The following ZNF354B variants were observed in gnomAD, a reference collection of about 807,000 sequenced individuals.
ZNF354B encodes the protein zinc finger protein 354B.
In ZNF354B, 10 loss-of-function variants were observed where a neutral mutation model predicts 12.9. The observed-to-expected ratio is 0.77, with a 90% CI of 0.48 to 1.31. The LOEUF is 1.31. Ranked by LOEUF, ZNF354B falls within the 40% of genes most tolerant of loss-of-function variation. The pLI, the probability that ZNF354B is intolerant of heterozygous loss-of-function variation, is 0.00. For synonymous variants in ZNF354B, 260 were observed against 243.7 expected (o/e 1.07, Z -0.62); for missense variants, 614 against 711.7 (o/e 0.86, Z 1.56).
At chr5:178,876,807 G>T (rs1260375748) in intron 4 of ZNF354B, among the ~76,000 whole-genome samples, 1 of 151,832 alleles carries the variant, frequency 6.6e-6, no homozygotes, top group Non-Finnish European at 1.5e-5. Flanking sequence ...TTTCCCTCTA[G>T]CTCTGAGCAT....
At chr5:178,861,329 C>A (rs371029140) in intron 2 of ZNF354B, among the ~76,000 whole-genome samples, 5 of 144,934 alleles carry the variant, frequency 3.4e-5, no homozygotes, top group African/African-American at 1.3e-4. Context: ...AAGTAAGATA[C>A]CACAAGTCTG....
intron 4 of ZNF354B, among the ~76,000 whole-genome samples, chr5:178,880,831 A>AT (rs56013359): frequency 0.013 from 1,011 of 76,176 alleles, 106 homozygotes; most frequent in Middle Eastern, 0.019. Context: ...ACTCATGGTC[A>AT]TTTTTTTTTT....
chr5:178,884,623 ATAAAC>A lies in ZNF354B; in HGVS notation c.*335_*339del, dbSNP rs1189550553. On this transcript the variant is annotated 3_prime_UTR_variant, in exon 5 of 5. Coordinates refer to ENST00000322434, the MANE Select transcript of ZNF354B (RefSeq NM_058230.3). ...AATTTTTCATTAGAAAAACATTTGT[ATAAAC>A]TACTATTATATAAATATAAGCATAT... The A allele has an allele frequency of 5.6e-6, 1 of 179,118 alleles. No individual in the cohort carries two copies. The highest frequency in any genetic ancestry group is 2.4e-5 in the African/African-American group (1 of 42,380). The allele number at this position is 179,118 out of a possible 1,614,324, so 11.1% of individuals were successfully genotyped here. A position where few individuals can be genotyped will look rare whatever the true frequency, so the allele number is the denominator to read the frequency against.
chr5:178,883,239 A>G lies in ZNF354B; in HGVS notation c.787A>G (p.Thr263Ala), dbSNP rs1178827495. The G allele has an allele frequency of 6.2e-7, 1 of 1,612,616 alleles. No individual in the cohort carries two copies. Residue 263 changes from threonine to alanine, a missense_variant, in exon 5 of 5, where the codon ACT (threonine) becomes GCT (alanine). Transcript: ENST00000322434. ...TTCTGCTCTTATTCAACATCAAAGAACTCATACAGGAGAGAAACCCTATAT... is the reference window on the plus strand; with the variant it reads ...TTCTGCTCTTATTCAACATCAAAGAGCTCATACAGGAGAGAAACCCTATAT... ...QSSALIQHQRTHTGEKPYICK... is the reference protein window; with the variant it reads ...QSSALIQHQRAHTGEKPYICK...
chr5:178,869,588 G>A (rs930179530), intron 4 of ZNF354B, among the ~76,000 whole-genome samples: 1 of 152,142 alleles, frequency 6.6e-6, no homozygotes, highest in African/African-American at 2.4e-5. Flanking sequence ...TGATGGCTGA[G>A]TAAGTCTCCC....
At chr5:178,872,620 C>G (rs1581812541) in intron 4 of ZNF354B, among the ~76,000 whole-genome samples, 1 of 152,106 alleles carries the variant, frequency 6.6e-6, no homozygotes, top group East Asian at 1.9e-4. Context: ...GTGAATGATC[C>G]AATGTTGTTA....
Position 178,884,283 on chromosome 5 carries a change from C to G in ZNF354B, c.1831C>G (p.His611Asp), listed in dbSNP as rs1234237867. Reference sequence around the variant, plus strand: ...AGAGGACTCCTTAAAAGCCGATTTGCATGTGTGAAAGCCTTAAACCAAAAC... The same window carrying G: ...AGAGGACTCCTTAAAAGCCGATTTGGATGTGTGAAAGCCTTAAACCAAAAC... ...IEEDSLKADLHV is the reference protein window; with the variant it reads ...IEEDSLKADLDV Residue 611 changes from histidine (H) to aspartate (D), a missense_variant, in exon 5 of 5, where the codon CAT (histidine) becomes GAT (aspartate). Coordinates refer to ENST00000322434, the MANE Select transcript of ZNF354B (RefSeq NM_058230.3). The G allele has an allele frequency of 6.3e-7, 1 of 1,581,192 alleles. No individual in the cohort carries two copies. The highest frequency in any genetic ancestry group is 2.2e-5 in the East Asian group (1 of 44,536).
intron 2 of ZNF354B, among the ~76,000 whole-genome samples, chr5:178,861,867 T>C (rs1757353425): frequency 6.6e-6 from 1 of 152,324 alleles, no homozygotes; most frequent in Non-Finnish European, 1.5e-5. Context: ...ATAACAGCCG[T>C]GCCCACCTCC....
intron 4 of ZNF354B, among the ~76,000 whole-genome samples, chr5:178,875,398 A>G (rs770047138): frequency 6.6e-6 from 1 of 152,146 alleles, no homozygotes; most frequent in Admixed American, 6.5e-5. Flanking sequence ...AAGATGGGGA[A>G]GGAGGCCCTG....
chr5:178,882,595 C>G (rs1042320023), intron 4 of ZNF354B, 114 bp from the exon 5 acceptor site: 1 of 1,051,570 alleles, frequency 9.5e-7, no homozygotes, highest in Non-Finnish European at 1.3e-6. Context: ...GAATTTTATC[C>G]TCTTTTAGTC....
At chr5:178,871,423 TC>T (rs370019056) in intron 4 of ZNF354B, among the ~76,000 whole-genome samples, 135 of 152,280 alleles carry the variant, frequency 8.9e-4, no homozygotes, top group African/African-American at 2.8e-3. Flanking sequence ...CAGGCACAGA[TC>T]ATCTGACACG....
Position 178,883,057 on chromosome 5 carries a change from T to C in ZNF354B, c.605T>C (p.Leu202Pro), listed in dbSNP as rs750769054. 1.2e-6 allele frequency: 2 copies of C among 1,604,478 alleles called. No homozygotes were observed. The highest frequency in any genetic ancestry group is 1.7e-5 in the Admixed American group (1 of 57,504). Residue 202 changes from leucine to proline, a missense_variant, in exon 5 of 5, where the codon CTT (leucine) becomes CCT (proline). Physicochemically the swap from Leu to Pro is moderately conservative, Grantham distance 98. Coordinates refer to ENST00000322434, the MANE Select transcript of ZNF354B (RefSeq NM_058230.3). ...AGTTTCAAGCAGAATTCAAATTTAC[T>C]TAACCAATCAAAAATCAAAACAGCA... is the stretch of plus-strand genomic sequence containing the variant. Reference protein sequence around the residue: ...RNSFKQNSNLLNQSKIKTAEK... With the variant: ...RNSFKQNSNLPNQSKIKTAEK...
At chr5:178,870,221 A>G (rs555038561) in intron 4 of ZNF354B, among the ~76,000 whole-genome samples, 12 of 152,166 alleles carry the variant, frequency 7.9e-5, no homozygotes. Flanking sequence ...AGAAAAACTT[A>G]TGCTCCCCAT....
intron 3 of ZNF354B, 128 bp from the exon 4 acceptor site, chr5:178,866,848 G>A (rs1757467551): frequency 1.2e-6 from 1 of 849,624 alleles, no homozygotes; most frequent in South Asian, 1.8e-5. Context: ...CAGTTTATAA[G>A]TTTTAATTAC....
At position 178,883,824 on chromosome 5, in the gene ZNF354B, C is replaced by G; in HGVS notation, c.1372C>G (p.Arg458Gly). Residue 458 changes from arginine to glycine, a missense_variant, in exon 5 of 5, where the codon CGA (arginine) becomes GGA (glycine). Coordinates refer to ENST00000322434, the MANE Select transcript of ZNF354B (RefSeq NM_058230.3). The stretch of plus-strand genomic sequence containing the variant: ...CCACTCAACACTTATTATTCATGAG[C>G]GAATTCATACTGGAGAAAAACCATG... ...SSHSTLIIHE[R>G]IHTGEKPCKC... 1 of 1,613,920 alleles carries G rather than the reference C, an allele frequency of 6.2e-7. No homozygotes were observed. Among genetic ancestry groups the G allele is most frequent in the Non-Finnish European group, 8.5e-7 (1 of 1,179,948 alleles).
At chr5:178,874,374 G>A (rs1757606607) in intron 4 of ZNF354B, among the ~76,000 whole-genome samples, 1 of 152,186 alleles carries the variant, frequency 6.6e-6, no homozygotes, top group South Asian at 2.1e-4. Flanking sequence ...TTTCAGGGAT[G>A]GCAATGAGTC....
At chr5:178,868,063 G>A (rs1209488905) in intron 4 of ZNF354B, among the ~76,000 whole-genome samples, 3 of 151,996 alleles carry the variant, frequency 2.0e-5, no homozygotes, top group Admixed American at 2.0e-4. Flanking sequence ...GGGAGGAGGT[G>A]GCGCCCACGT....
At chr5:178,882,555 G>A (rs1757731767) in intron 4 of ZNF354B, among the ~76,000 whole-genome samples, 154 bp from the exon 5 acceptor site, 1 of 152,130 alleles carries the variant, frequency 6.6e-6, no homozygotes, top group African/African-American at 2.4e-5. Flanking sequence ...CAGTTCAGCT[G>A]TCATCCATTA....
chr5:178,876,148 T>C (rs1469417437), intron 4 of ZNF354B, among the ~76,000 whole-genome samples: 1 of 152,208 alleles, frequency 6.6e-6, no homozygotes, highest in Non-Finnish European at 1.5e-5. Flanking sequence ...ATGGGTTCTC[T>C]CTCAGATTTC....
Sources: allele counts gnomAD v4.1 joint callset (sites outside exome capture counted in the v4.1 genomes callset), GRCh38; gene constraint gnomAD v4.1.1; transcripts MANE v1.5; gene names NCBI Gene and HGNC (gene_info 2026-07-23, HGNC 2026-07-21).